ELOVL2: variants seen among roughly 807,000 people sequenced by gnomAD.
The protein encoded by ELOVL2 is ELOVL fatty acid elongase 2, also known as very long chain fatty acid elongase 2.
In ELOVL2, 38 loss-of-function variants were observed where a neutral mutation model predicts 37.7. That is an observed-to-expected ratio of 1.01 (90% CI 0.78 to 1.32). The LOEUF (loss-of-function observed/expected upper bound fraction) is 1.32. Among genes scored for constraint, ELOVL2 ranks in the 40% most tolerant of loss-of-function variants. The probability of loss-of-function intolerance (pLI) is 0.00; values close to 1 mark genes in which losing one functional copy is unlikely to be tolerated. For synonymous variants in ELOVL2, 115 were observed against 122.3 expected (o/e 0.94, Z 0.40); for missense variants, 352 against 363.6 (o/e 0.97, Z 0.26).
intron 5 of ELOVL2, among the ~76,000 whole-genome samples, chr6:10,990,668 C>CT (rs1434060424): frequency 2.3e-4 from 22 of 95,934 alleles, no homozygotes; most frequent in African/African-American, 8.5e-4. Flanking sequence ...TTTCAGAATG[C>CT]CCCCCCCCCG....
rs1781942197 is a variant in ELOVL2, at chr6:10,981,938, C to CTT, written c.*1841_*1842dup. ...CACAGAGGAGCCATTAACAGTCATG[C>CTT]TTGAAGCTAGCCCTTGTTTTAAAAT... On this transcript the variant is annotated 3_prime_UTR_variant, in exon 8 of 8. Coordinates refer to ENST00000354666, the MANE Select transcript of ELOVL2 (RefSeq NM_017770.4). 6.6e-6 allele frequency: 1 copy of CTT among 152,156 alleles called. No homozygotes were observed. Among genetic ancestry groups the CTT allele is most frequent in the African/African-American group, 2.4e-5 (1 of 41,418 alleles). 9.4% of individuals were successfully genotyped at this position (152,156 alleles called of 1,614,324 possible). A position where few individuals can be genotyped will look rare whatever the true frequency, so the allele number is the denominator to read the frequency against.
At chr6:11,040,155 G>A (rs1032139920) in intron 1 of ELOVL2, among the ~76,000 whole-genome samples, 4 of 152,180 alleles carry the variant, frequency 2.6e-5, no homozygotes, top group Admixed American at 2.6e-4. Context: ...AGACACAGTA[G>A]ACTGAAGAGC....
At chr6:11,003,015 G>C (rs1782417844) in intron 3 of ELOVL2, among the ~76,000 whole-genome samples, 1 of 152,222 alleles carries the variant, frequency 6.6e-6, no homozygotes, top group South Asian at 2.1e-4. Context: ...AAATTACACA[G>C]AAAGTGACAG....
chr6:11,037,146 CAGAGAGGCAGAGAGGGAAAGAGACA>C (rs1353941743), intron 1 of ELOVL2, among the ~76,000 whole-genome samples: 1 of 128,818 alleles, frequency 7.8e-6, no homozygotes, highest in Admixed American at 8.3e-5. Context: ...GAGAGAGAGA[CAGAGAGGCAGAGAGGGAAAGAGACA>C]AGAGAGGCAG....
chr6:11,020,691 G>A (rs1226688006), intron 1 of ELOVL2, among the ~76,000 whole-genome samples: 2 of 152,240 alleles, frequency 1.3e-5, no homozygotes, highest in African/African-American at 2.4e-5. Flanking sequence ...GCTTCCCTCA[G>A]TGGATGTGCA....
At chr6:11,005,899 G>A (rs2113513031) in intron 2 of ELOVL2, among the ~76,000 whole-genome samples, 1 of 151,634 alleles carries the variant, frequency 6.6e-6, no homozygotes, top group East Asian at 1.9e-4. Context: ...GCAATTTTAT[G>A]GATGGAAAAA....
At chr6:11,029,769 G>A (rs1782894466) in intron 1 of ELOVL2, among the ~76,000 whole-genome samples, 1 of 152,216 alleles carries the variant, frequency 6.6e-6, no homozygotes. Context: ...ATTCTCAAAG[G>A]TCAATTAGTT....
chr6:11,034,448 C>T lies in ELOVL2; in HGVS notation c.3+9780G>A, dbSNP rs9461430. 2.3e-3 allele frequency among the ~76,000 whole-genome samples: 230 copies of T among 98,318 alleles called. 27 individuals carry two copies. Among genetic ancestry groups the T allele is most frequent in the Non-Finnish European group, 3.5e-3 (154 of 44,394 alleles). The allele number at this position is 98,318 out of a possible 152,430, so 64.5% of individuals were successfully genotyped here. A position where few individuals can be genotyped will look rare whatever the true frequency, so the allele number is the denominator to read the frequency against. On this transcript the variant is annotated intron_variant, in intron 1 of 7. Coordinates refer to ENST00000354666, the MANE Select transcript of ELOVL2 (RefSeq NM_017770.4). ...CTGTAATCCCAGCACTTTGGGAGGCCGAGGTGGGTGGATCACTTGAGGTCT... is the reference window on the plus strand; with the variant it reads ...CTGTAATCCCAGCACTTTGGGAGGCTGAGGTGGGTGGATCACTTGAGGTCT...
intron 2 of ELOVL2, among the ~76,000 whole-genome samples, chr6:11,008,483 C>T (rs891284937): frequency 2.0e-5 from 3 of 152,036 alleles, no homozygotes; most frequent in African/African-American, 4.8e-5. Flanking sequence ...CATGCCTAAG[C>T]GAGAGTGCCC....
In ELOVL2 at chr6:10,983,655, G is replaced by A. The variant is rs541844335; in HGVS notation, c.*126C>T. The A allele has an allele frequency of 6.8e-5, 70 of 1,036,484 alleles. No individual in the cohort carries two copies. The South Asian group carries it at 1.0e-3, about 15-fold the overall frequency. The allele number at this position is 1,036,484 out of a possible 1,614,324, so 64.2% of individuals were successfully genotyped here. ...ATAGCAATATATTAATACATTCTGG[G>A]TACAAATGATTTATGAACTCAAAAG... On this transcript the variant is annotated 3_prime_UTR_variant, in exon 8 of 8. Coordinates refer to ENST00000354666, the MANE Select transcript of ELOVL2 (RefSeq NM_017770.4).
Position 11,029,160 on chromosome 6 carries a change from G to A in ELOVL2, c.3+15068C>T, listed in dbSNP as rs368028638. 1.2e-3 allele frequency among the ~76,000 whole-genome samples: 177 copies of A among 148,032 alleles called. 5 individuals carry two copies. The South Asian group carries it at 0.031, about 26-fold the overall frequency. ...CAAGAATTACTTGAGCCTGGGAGGC[G>A]GAAGCTGTAGGGAGACAAGATCGCG... On this transcript the variant is annotated intron_variant, in intron 1 of 7. Coordinates refer to ENST00000354666, the MANE Select transcript of ELOVL2 (RefSeq NM_017770.4).
At chr6:11,043,193 C>A (rs960110734) in intron 1 of ELOVL2, among the ~76,000 whole-genome samples, 5 of 151,980 alleles carry the variant, frequency 3.3e-5, no homozygotes, top group African/African-American at 1.2e-4. Flanking sequence ...AAAGGAAGTG[C>A]GCTTATTTTA....
At chr6:10,997,232 G>T (rs911533559) in intron 4 of ELOVL2, among the ~76,000 whole-genome samples, 1 of 152,104 alleles carries the variant, frequency 6.6e-6, no homozygotes, top group Non-Finnish European at 1.5e-5. Flanking sequence ...TGGGGGGCAG[G>T]GGAGTGGGAA....
chr6:11,027,709 CTAAGA>C (rs35460883), intron 1 of ELOVL2, among the ~76,000 whole-genome samples: 82,413 of 151,374 alleles, frequency 0.54, 23,580 homozygotes, highest in East Asian at 0.9. Context: ...GGCAAGCAGC[CTAAGA>C]TAAGGAAATT....
At chr6:10,996,574 G>A (rs1782272512) in intron 4 of ELOVL2, among the ~76,000 whole-genome samples, 1 of 152,072 alleles carries the variant, frequency 6.6e-6, no homozygotes, top group Non-Finnish European at 1.5e-5. Context: ...GGAGGCTGAG[G>A]CAGGAGAATG....
intron 4 of ELOVL2, among the ~76,000 whole-genome samples, chr6:10,997,270 G>T (rs1199646003): frequency 1.3e-5 from 2 of 152,012 alleles, no homozygotes; most frequent in Admixed American, 1.3e-4. Context: ...CAAATCTCAG[G>T]TATCACTTTA....
intron 1 of ELOVL2, among the ~76,000 whole-genome samples, chr6:11,017,078 T>G (rs73723629): frequency 0.016 from 2,492 of 152,248 alleles, 64 homozygotes; most frequent in African/African-American, 0.057. Flanking sequence ...CTTAGTAATA[T>G]CATAAGGCTG....
chr6:10,995,310 C>T (rs569116872), intron 4 of ELOVL2, 132 bp from the exon 5 acceptor site: 106 of 663,852 alleles, frequency 1.6e-4, no homozygotes, highest in Non-Finnish European at 2.6e-4. Flanking sequence ...AGGCAGCTCA[C>T]CTGGTGTCCT....
intron 4 of ELOVL2, among the ~76,000 whole-genome samples, chr6:10,995,957 T>C (rs1187041775): frequency 2.0e-5 from 3 of 152,216 alleles, no homozygotes; most frequent in Non-Finnish European, 4.4e-5. Context: ...GCTACATCTT[T>C]TGTGTCTTTT....
Sources: allele counts gnomAD v4.1 joint callset (sites outside exome capture counted in the v4.1 genomes callset), GRCh38; gene constraint gnomAD v4.1.1; transcripts MANE v1.5; gene names NCBI Gene and HGNC (gene_info 2026-07-23, HGNC 2026-07-21).